METTL8: variants seen among roughly 807,000 people sequenced by gnomAD.
The protein encoded by METTL8 is tRNA N(3)-cytidine methyltransferase METTL8, mitochondrial.
A neutral mutation model predicts 48.7 loss-of-function variants in METTL8; 32 were observed. The ratio of observed to expected loss-of-function variants is 0.66; its 90% CI spans 0.50 to 0.88. METTL8 has a LOEUF of 0.88. Ranked by LOEUF, METTL8 falls within the 40% of genes least tolerant of loss-of-function variation. The pLI is 0.00. For missense variants in METTL8, 464 were observed against 474.4 expected, an observed-to-expected ratio of 0.98 and a Z score of 0.20; for synonymous variants, 136 against 157.1, an observed-to-expected ratio of 0.87 and a Z score of 1.01.
chr2:171,430,424 A>G (rs1692887133), intron 1 of METTL8, among the ~76,000 whole-genome samples: 2 of 152,114 alleles, frequency 1.3e-5, no homozygotes, highest in African/African-American at 4.8e-5. Context: ...ATTAGGAGAA[A>G]TACTTAATGT....
chr2:171,364,246 C>T (rs926457329), intron 2 of METTL8, among the ~76,000 whole-genome samples: 1 of 152,002 alleles, frequency 6.6e-6, no homozygotes, highest in African/African-American at 2.4e-5. Flanking sequence ...TCCTTAATAT[C>T]GTAAAGCAGC....
intron 1 of METTL8, among the ~76,000 whole-genome samples, chr2:171,396,263 A>G (rs566058618): frequency 2.0e-5 from 3 of 152,074 alleles, no homozygotes; most frequent in South Asian, 4.2e-4. Flanking sequence ...CTCTGTCTCA[A>G]TGAATAAATA....
intron 3 of METTL8, among the ~76,000 whole-genome samples, chr2:171,341,707 A>T (rs1365850394): frequency 6.6e-6 from 1 of 152,158 alleles, no homozygotes. Context: ...CTTTCTAGGA[A>T]TACAGAATAA....
At chr2:171,383,533 C>T (rs1687766756) in intron 2 of METTL8, among the ~76,000 whole-genome samples, 1 of 152,074 alleles carries the variant, frequency 6.6e-6, no homozygotes. Context: ...ATGTTATGTA[C>T]ACATGTGCTG....
intron 2 of METTL8, among the ~76,000 whole-genome samples, chr2:171,391,702 G>A (rs973425284): frequency 6.6e-6 from 1 of 152,166 alleles, no homozygotes; most frequent in Admixed American, 6.5e-5. Flanking sequence ...ATGAAAAAGA[G>A]GGAAGGAACT....
chr2:171,341,110 A>AT (rs1686703859), intron 3 of METTL8, among the ~76,000 whole-genome samples: 1 of 152,038 alleles, frequency 6.6e-6, no homozygotes, highest in African/African-American at 2.4e-5. Flanking sequence ...CGGGCGGATC[A>AT]CGAGGTCAGG....
At chr2:171,412,031 TA>T (rs751926057) in intron 1 of METTL8, among the ~76,000 whole-genome samples, 17 of 152,314 alleles carry the variant, frequency 1.1e-4, no homozygotes, top group Non-Finnish European at 2.2e-4. Flanking sequence ...ATCACACTAA[TA>T]ATAAATGTCT....
At chr2:171,364,765 T>C (rs1286184239) in intron 2 of METTL8, among the ~76,000 whole-genome samples, 1 of 152,182 alleles carries the variant, frequency 6.6e-6, no homozygotes, top group East Asian at 1.9e-4. Context: ...AATGTAGTGT[T>C]GCTTCCTGTT....
In METTL8 at chr2:171,322,689, A is replaced by G. The variant is rs1035052105; in HGVS notation, c.*1483T>C. 6 of 147,214 alleles carry G rather than the reference A, an allele frequency of 4.1e-5. No individual in the cohort carries two copies. The highest frequency in any genetic ancestry group is 1.5e-4 in the African/African-American group (6 of 39,726). 9.1% of individuals were successfully genotyped at this position (147,214 alleles called of 1,614,324 possible). Reference sequence around the variant, plus strand: ...AACCCGGGAGGTGGAGCTGGCAGTGAGCTGAGATCACGCCACTGCACTCCA... The same window carrying G: ...AACCCGGGAGGTGGAGCTGGCAGTGGGCTGAGATCACGCCACTGCACTCCA... On this transcript the variant is annotated 3_prime_UTR_variant, in exon 10 of 10. Coordinates refer to ENST00000375258, the MANE Select transcript of METTL8 (RefSeq NM_001321154.2).
At chr2:171,392,863 G>A (rs780322968) in intron 1 of METTL8, among the ~76,000 whole-genome samples, 2 of 151,242 alleles carry the variant, frequency 1.3e-5, no homozygotes, top group Non-Finnish European at 2.9e-5. Context: ...TTGGCAGGCC[G>A]AGGCAGGTGG....
At chr2:171,387,544 A>T (rs1037010287) in intron 2 of METTL8, among the ~76,000 whole-genome samples, 40 of 138,466 alleles carry the variant, frequency 2.9e-4, no homozygotes, top group East Asian at 5.8e-4. Flanking sequence ...AAAAAAAATT[A>T]AAAAAAAAAT....
At chr2:171,407,810 T>C (rs1165429068) in intron 1 of METTL8, among the ~76,000 whole-genome samples, 2 of 152,248 alleles carry the variant, frequency 1.3e-5, no homozygotes, top group African/African-American at 2.4e-5. Flanking sequence ...GCATTTATGA[T>C]CTTGCTGGCA....
chr2:171,328,235 T>C (rs1685157800), intron 7 of METTL8, among the ~76,000 whole-genome samples: 1 of 152,146 alleles, frequency 6.6e-6, no homozygotes, highest in African/African-American at 2.4e-5. Flanking sequence ...AAGGAAGAGA[T>C]AAAAAATGTA....
chr2:171,372,527 A>T (rs946892644), intron 2 of METTL8, among the ~76,000 whole-genome samples: 11 of 151,988 alleles, frequency 7.2e-5, no homozygotes, highest in African/African-American at 2.4e-4. Context: ...GTACATGTGC[A>T]CAACGTGTAG....
intron 1 of METTL8, among the ~76,000 whole-genome samples, chr2:171,419,755 T>A (rs554352176): frequency 1.3e-5 from 2 of 152,242 alleles, no homozygotes; most frequent in East Asian, 3.9e-4. Context: ...GATATCATTT[T>A]AAAAATTCTG....
rs1397787090 is a variant in METTL8, at chr2:171,320,561, AAGG to A, written c.*3608_*3610del. 1 of 152,226 alleles carries A rather than the reference AAGG, an allele frequency of 6.6e-6. No individual in the cohort carries two copies. The highest frequency in any genetic ancestry group is 2.4e-5 in the African/African-American group (1 of 41,446). The allele number at this position is 152,226 out of a possible 1,614,324, so 9.4% of individuals were successfully genotyped here. ...GGCCATGATTTTTAAACGGAGACAC[AAGG>A]AGATCTGCTGGGGTTCCCATAGCAA... is the stretch of plus-strand genomic sequence containing the variant. On this transcript the variant is annotated 3_prime_UTR_variant, in exon 10 of 10. Coordinates refer to ENST00000375258, the MANE Select transcript of METTL8 (RefSeq NM_001321154.2).
At chr2:171,340,585 G>A (rs1686644005) in intron 3 of METTL8, among the ~76,000 whole-genome samples, 1 of 146,210 alleles carries the variant, frequency 6.8e-6, no homozygotes, top group South Asian at 2.2e-4. Flanking sequence ...ACAAATAAAA[G>A]AAAGGACACC....
rs1050073341 is a variant in METTL8 at position 171,316,340 on chromosome 2, C to A, written c.*7832G>T. Among the ~76,000 whole-genome samples the A allele has an allele frequency of 6.6e-6, 1 of 152,174 alleles. No homozygotes were observed. Among genetic ancestry groups the A allele is most frequent in the African/African-American group, 2.4e-5 (1 of 41,436 alleles). The stretch of plus-strand genomic sequence containing the variant: ...TAAAGGCCAGTCAGGAAATGAGCAG[C>A]AGTGCTGAATGGGGAAGCCTGGATC... On this transcript the variant is annotated 3_prime_UTR_variant, in exon 10 of 10. Coordinates refer to ENST00000375258, the MANE Select transcript of METTL8 (RefSeq NM_001321154.2).
chr2:171,428,704 C>T (rs1378385578), intron 1 of METTL8, among the ~76,000 whole-genome samples: 1 of 151,916 alleles, frequency 6.6e-6, no homozygotes, highest in Non-Finnish European at 1.5e-5. Context: ...ACAGTATACA[C>T]AGTAACATGG....
Sources: allele counts gnomAD v4.1 joint callset (sites outside exome capture counted in the v4.1 genomes callset), GRCh38; gene constraint gnomAD v4.1.1; transcripts MANE v1.5; gene names NCBI Gene and HGNC (gene_info 2026-07-23, HGNC 2026-07-21).